The following OPCML variants were observed in gnomAD, a reference collection of about 807,000 sequenced individuals.
The protein encoded by OPCML is opioid-binding protein/cell adhesion molecule.
In OPCML, 13 loss-of-function variants were observed where a neutral mutation model predicts 37.8. The observed-to-expected ratio is 0.34, with a 90% CI of 0.22 to 0.55. The LOEUF (loss-of-function observed/expected upper bound fraction) is 0.55. OPCML is among the 20% of genes least tolerant of loss of function. The probability of loss-of-function intolerance (pLI) is 0.91; values close to 1 mark genes in which losing one functional copy is unlikely to be tolerated. For synonymous variants in OPCML, 176 were observed against 168.8 expected (o/e 1.04, Z -0.33); for missense variants, 341 against 435.6 (o/e 0.78, Z 1.93).
In OPCML at chr11:133,213,916, T is replaced by C. The variant is rs150371191; in HGVS notation, c.62-270906A>G. Reference sequence around the variant, plus strand: ...AGCGTGTCACTATAATGTGATAACATCATCTTTAAGAAATAGCAGAATACT... The same window carrying C: ...AGCGTGTCACTATAATGTGATAACACCATCTTTAAGAAATAGCAGAATACT... On this transcript the variant is annotated intron_variant, in intron 1 of 7. Transcript: ENST00000524381. Among the ~76,000 whole-genome samples, 440 of 152,330 alleles carry C rather than the reference T, an allele frequency of 2.9e-3. 4 individuals are homozygous for C. The highest frequency in any genetic ancestry group is 9.9e-3 in the African/African-American group (412 of 41,584).
At chr11:132,613,201 C>A (rs751367391) in intron 3 of OPCML, among the ~76,000 whole-genome samples, 36 of 152,184 alleles carry the variant, frequency 2.4e-4, no homozygotes, top group Non-Finnish European at 1.5e-4. Flanking sequence ...GGCCACTATC[C>A]TGGAGAAAAG....
rs183026654 is a variant in OPCML, at chr11:132,686,831, G to A, written c.147-29512C>T. On this transcript the variant is annotated intron_variant, in intron 2 of 7. Transcript: ENST00000524381. ...CCACAGATCCCCCAGGAGTGTTTTT[G>A]TCCCACTCACACCCCATTTTCAGTG... Among the ~76,000 whole-genome samples, 37 of 152,076 alleles carry A rather than the reference G, an allele frequency of 2.4e-4. 1 individual carries two copies. The highest frequency in any genetic ancestry group is 8.0e-4 in the African/African-American group (33 of 41,466).
chr11:133,357,384 A>G (rs543558468), intron 1 of OPCML, among the ~76,000 whole-genome samples: 4 of 152,316 alleles, frequency 2.6e-5, no homozygotes, highest in South Asian at 2.1e-4. Flanking sequence ...TGGAACGTAC[A>G]TGGCACTATG....
intron 1 of OPCML, among the ~76,000 whole-genome samples, chr11:133,060,404 C>A (rs543572832): frequency 6.6e-6 from 1 of 152,156 alleles, no homozygotes; most frequent in African/African-American, 2.4e-5. Flanking sequence ...ACACAATAGC[C>A]GCATGCTGTT....
chr11:133,156,549 C>G (rs1398725409), intron 1 of OPCML, among the ~76,000 whole-genome samples: 1 of 152,192 alleles, frequency 6.6e-6, no homozygotes, highest in South Asian at 2.1e-4. Context: ...TTCTGGGGAG[C>G]AAGAGCCATG....
chr11:132,922,525 G>A (rs563788834), intron 2 of OPCML, among the ~76,000 whole-genome samples: 56 of 151,904 alleles, frequency 3.7e-4, no homozygotes, highest in Non-Finnish European at 7.8e-4. Context: ...AGAGGAGGGC[G>A]GCAGAGTGGC....
At position 132,481,663 on chromosome 11, in the gene OPCML, T is replaced by C. The variant is rs201573338; in HGVS notation, c.506-44304A>G. Among the ~76,000 whole-genome samples, 964 of 151,458 alleles carry C rather than the reference T, an allele frequency of 6.4e-3. 14 individuals are homozygous for C. Among genetic ancestry groups the C allele is most frequent in the East Asian group, 0.062 (318 of 5,138 alleles). On this transcript the variant is annotated intron_variant, in intron 4 of 7. Coordinates refer to ENST00000524381, the MANE Select transcript of OPCML (RefSeq NM_001012393.5). ...ACCTATTCCAAAGTTGACCACATAGTTGGAAGTAAAGCTCTCCTCAGCAAA... is the reference window on the plus strand; with the variant it reads ...ACCTATTCCAAAGTTGACCACATAGCTGGAAGTAAAGCTCTCCTCAGCAAA...
At chr11:133,361,142 TGACCACCAAGCCGGCGCTGTCC>T (rs1344878605) in intron 1 of OPCML, 1 of 152,366 alleles carries the variant, frequency 6.6e-6, no homozygotes, top group Admixed American at 6.5e-5. Context: ...TCCCACCGCT[TGACCACCAAGCCGGCGCTGTCC>T]GTGAGATCTC....
At chr11:132,848,758 G>T (rs921299764) in intron 2 of OPCML, among the ~76,000 whole-genome samples, 2 of 152,182 alleles carry the variant, frequency 1.3e-5, no homozygotes, top group African/African-American at 4.8e-5. Context: ...TCCTTATGCT[G>T]CCTCTCATCA....
chr11:132,944,839 G>T (rs575259589), intron 1 of OPCML, among the ~76,000 whole-genome samples: 2 of 152,332 alleles, frequency 1.3e-5, no homozygotes, highest in South Asian at 4.1e-4. Flanking sequence ...CTAATTTAAT[G>T]GTTGCTATGT....
intron 1 of OPCML, among the ~76,000 whole-genome samples, chr11:132,979,683 TG>T (rs1946542665): frequency 6.6e-6 from 1 of 152,252 alleles, no homozygotes; most frequent in Non-Finnish European, 1.5e-5. Flanking sequence ...AACAAAATGT[TG>T]CTTAACATCT....
chr11:132,941,873 C>A (rs1408873254), intron 2 of OPCML, among the ~76,000 whole-genome samples: 1 of 152,150 alleles, frequency 6.6e-6, no homozygotes, highest in Non-Finnish European at 1.5e-5. Flanking sequence ...TGTCTAGATG[C>A]AGGAAAGGTT....
In OPCML at chr11:132,927,245, T is replaced by C. The variant is rs1184406375; in HGVS notation, c.146+15681A>G. ...AAACCCAAGGATACCCACAGTGAGA[T>C]ACATTATAAAAAAATGTCAAAGACC... is the stretch of plus-strand genomic sequence containing the variant. On this transcript the variant is annotated intron_variant, in intron 2 of 7. Transcript: ENST00000524381. Among the ~76,000 whole-genome samples the C allele has an allele frequency of 2.0e-5, 3 of 152,116 alleles. No individual in the cohort carries two copies. The East Asian group carries it at 5.8e-4, about 29-fold the overall frequency.
rs117768520 is a variant in OPCML, at chr11:132,452,290, G to A, written c.506-14931C>T. 9.3e-3 allele frequency among the ~76,000 whole-genome samples: 1,417 copies of A among 152,160 alleles called. 8 individuals are homozygous for A. Among genetic ancestry groups the A allele is most frequent in the Non-Finnish European group, 0.013 (898 of 67,998 alleles). ...ACAAGCAAACAGAGTCTAGGCTCAC[G>A]GAGGTGGGTGGGCACCAAGCTGGGG... On this transcript the variant is annotated intron_variant, in intron 4 of 7. Coordinates refer to ENST00000524381, the MANE Select transcript of OPCML (RefSeq NM_001012393.5).
chr11:133,484,071 TAGATA>T (rs1947469463), intron 1 of OPCML, among the ~76,000 whole-genome samples: 1 of 147,954 alleles, frequency 6.8e-6, no homozygotes, highest in African/African-American at 2.6e-5. Flanking sequence ...GATAGATAGA[TAGATA>T]GATAGATTCA....
intron 2 of OPCML, among the ~76,000 whole-genome samples, chr11:132,850,948 G>T (rs1565909831): frequency 1.3e-5 from 2 of 152,130 alleles, no homozygotes; most frequent in Non-Finnish European, 2.9e-5. Context: ...TAGAACAGAG[G>T]TTATTCACTT....
chr11:132,794,517 G>A (rs1938172166), intron 2 of OPCML, among the ~76,000 whole-genome samples: 1 of 152,128 alleles, frequency 6.6e-6, no homozygotes. Context: ...GTTCCTCACT[G>A]GAAGATAATG....
intron 7 of OPCML, 60 bp from the exon 8 acceptor site, chr11:132,420,353 C>A: frequency 1.3e-6 from 2 of 1,592,574 alleles, no homozygotes; most frequent in Non-Finnish European, 1.7e-6. Flanking sequence ...CATAGTTCTT[C>A]CCTGACAAGC....
chr11:132,489,647 G>T (rs896178484), intron 4 of OPCML, among the ~76,000 whole-genome samples: 6 of 151,846 alleles, frequency 4.0e-5, no homozygotes, highest in African/African-American at 1.2e-4. Flanking sequence ...TGGGACCACC[G>T]TTCTGTCTGT....
Sources: allele counts gnomAD v4.1 joint callset (sites outside exome capture counted in the v4.1 genomes callset), GRCh38; gene constraint gnomAD v4.1.1; transcripts MANE v1.5; gene names NCBI Gene and HGNC (gene_info 2026-07-23, HGNC 2026-07-21).